Variants in ANO4 observed in about 807,000 individuals in gnomAD.
ANO4 encodes the protein anoctamin-4.
ANO4 carries 69 observed loss-of-function variants against 141.9 expected under a neutral mutation model. The ratio of observed to expected loss-of-function variants is 0.49; its 90% CI spans 0.40 to 0.59. The LOEUF (loss-of-function observed/expected upper bound fraction) is 0.59, where lower values mean the gene tolerates loss of function less well. ANO4 is among the 20% of genes least tolerant of loss of function. ANO4 has a pLI of 0.00. For missense variants in ANO4, 894 were observed against 1,162.2 expected (o/e 0.77, Z 3.36); for synonymous variants, 350 against 394.3 (o/e 0.89, Z 1.33).
At chr12:100,941,882 T>C (rs2042531644) in intron 4 of ANO4, among the ~76,000 whole-genome samples, 1 of 151,676 alleles carries the variant, frequency 6.6e-6, no homozygotes, top group Non-Finnish European at 1.5e-5. Context: ...AACTCAATGC[T>C]TCTTCCAATT....
intron 8 of ANO4, among the ~76,000 whole-genome samples, chr12:101,003,398 C>T (rs1366516805): frequency 6.6e-6 from 1 of 152,210 alleles, no homozygotes; most frequent in Admixed American, 6.5e-5. Flanking sequence ...ATCACATATC[C>T]TCACACTCTG....
chr12:100,904,139 G>A (rs1015787400), intron 2 of ANO4, among the ~76,000 whole-genome samples: 3 of 152,056 alleles, frequency 2.0e-5, no homozygotes, highest in Non-Finnish European at 2.9e-5. Context: ...GGGTAGGACC[G>A]AACAAAACCT....
rs1260105735 is a variant in ANO4 at position 101,123,158 on chromosome 12, T to G, written c.2676+2533T>G. Among the ~76,000 whole-genome samples the G allele has an allele frequency of 2.6e-5, 4 of 152,328 alleles. No individual in the cohort carries two copies. The South Asian group carries it at 8.3e-4, about 32-fold the overall frequency. On this transcript the variant is annotated intron_variant, in intron 26 of 27. Transcript: ENST00000392977. ...CTCTTCAAGACTATTCTATCACTGCTTTTTCCTTCAGTCCAGGGAACCAAA... is the reference window on the plus strand; with the variant it reads ...CTCTTCAAGACTATTCTATCACTGCGTTTTCCTTCAGTCCAGGGAACCAAA...
chr12:100,891,716 T>G (rs937877645), intron 1 of ANO4, among the ~76,000 whole-genome samples: 3 of 152,226 alleles, frequency 2.0e-5, no homozygotes, highest in Non-Finnish European at 4.4e-5. Context: ...GCTAAATCAA[T>G]GCAATTAATA....
intron 1 of ANO4, among the ~76,000 whole-genome samples, chr12:100,897,049 G>A (rs2040383970): frequency 6.6e-6 from 1 of 152,156 alleles, no homozygotes; most frequent in Non-Finnish European, 1.5e-5. Context: ...CAAGATTTGA[G>A]CCCAGAATTC....
intron 1 of ANO4, among the ~76,000 whole-genome samples, chr12:100,830,987 A>G (rs1426605559): frequency 6.6e-6 from 1 of 152,102 alleles, no homozygotes; most frequent in Non-Finnish European, 1.5e-5. Context: ...CTCAGTGACT[A>G]GCGTAAAAAT....
At chr12:100,766,736 A>G (rs2033100465) in intron 3 of ANO4, among the ~76,000 whole-genome samples, 1 of 152,154 alleles carries the variant, frequency 6.6e-6, no homozygotes, top group Non-Finnish European at 1.5e-5. Flanking sequence ...TGTTTGATCT[A>G]TAGTGTTGTT....
intron 1 of ANO4, among the ~76,000 whole-genome samples, chr12:100,806,114 G>A (rs149213024): frequency 5.3e-4 from 81 of 152,322 alleles, no homozygotes; most frequent in African/African-American, 1.8e-3. Context: ...AGCCAGGAGA[G>A]TGTGATTTGT....
intron 8 of ANO4, among the ~76,000 whole-genome samples, chr12:101,007,997 T>A (rs1300301304): frequency 6.6e-6 from 1 of 152,212 alleles, no homozygotes; most frequent in Non-Finnish European, 1.5e-5. Context: ...ACCTTCAAGC[T>A]GGAACATCAG....
intron 1 of ANO4, among the ~76,000 whole-genome samples, chr12:100,868,368 G>A (rs573564027): frequency 5.3e-5 from 8 of 152,174 alleles, no homozygotes; most frequent in African/African-American, 1.4e-4. Flanking sequence ...GTAGAATTTT[G>A]TCTCTTCTAT....
At chr12:100,841,896 A>G (rs939762298) in intron 1 of ANO4, among the ~76,000 whole-genome samples, 2 of 152,094 alleles carry the variant, frequency 1.3e-5, no homozygotes, top group Non-Finnish European at 2.9e-5. Context: ...TGCATCTTCT[A>G]TGACATTTTT....
intron 2 of ANO4, 132 bp downstream of exon 2, chr12:100,901,972 C>A: frequency 1.2e-6 from 1 of 846,850 alleles, no homozygotes; most frequent in Non-Finnish European, 1.8e-6. Flanking sequence ...TGTTCTATTT[C>A]CCCTTCTGCT....
intron 26 of ANO4, among the ~76,000 whole-genome samples, chr12:101,121,665 C>T (rs1321969799): frequency 6.6e-6 from 1 of 151,726 alleles, no homozygotes; most frequent in Non-Finnish European, 1.5e-5. Context: ...CCAGACTACA[C>T]AGTAGTTGGA....
chr12:101,106,374 A>G (rs947391597), intron 22 of ANO4, among the ~76,000 whole-genome samples: 1 of 152,070 alleles, frequency 6.6e-6, no homozygotes, highest in Non-Finnish European at 1.5e-5. Flanking sequence ...GTAAACTTAT[A>G]TATTAGAATA....
chr12:101,107,377 GA>G (rs1172824847), intron 22 of ANO4, among the ~76,000 whole-genome samples: 1 of 152,122 alleles, frequency 6.6e-6, no homozygotes, highest in Non-Finnish European at 1.5e-5. Flanking sequence ...TGCAAAAGGG[GA>G]AAAAGGCAAA....
intron 3 of ANO4, among the ~76,000 whole-genome samples, chr12:100,750,998 T>A (rs2032349979): frequency 6.6e-6 from 1 of 152,132 alleles, no homozygotes; most frequent in South Asian, 2.1e-4. Flanking sequence ...TGAGCTGTGA[T>A]GATGCACAAA....
At chr12:101,055,090 A>T (rs1337159614) in intron 14 of ANO4, among the ~76,000 whole-genome samples, 1 of 152,212 alleles carries the variant, frequency 6.6e-6, no homozygotes, top group Admixed American at 6.5e-5. Context: ...TGGGTTCAGT[A>T]TGGTTTTTAA....
intron 2 of ANO4, among the ~76,000 whole-genome samples, chr12:100,738,817 AC>A (rs1436940449): frequency 6.6e-6 from 1 of 151,784 alleles, no homozygotes; most frequent in Non-Finnish European, 1.5e-5. Context: ...TGGTAAGAGC[AC>A]CTAAAATCTA....
chr12:101,089,999 G>A (rs2136918925), intron 17 of ANO4, among the ~76,000 whole-genome samples: 1 of 152,286 alleles, frequency 6.6e-6, no homozygotes, highest in Non-Finnish European at 1.5e-5. Context: ...ATGAAAAAAT[G>A]CTCACCATCA....
Sources: allele counts gnomAD v4.1 joint callset (sites outside exome capture counted in the v4.1 genomes callset), GRCh38; gene constraint gnomAD v4.1.1; transcripts MANE v1.5; gene names NCBI Gene and HGNC (gene_info 2026-07-23, HGNC 2026-07-21).